Variants in MEIG1 observed in about 807,000 individuals in gnomAD.
The protein encoded by MEIG1 is meiosis expressed gene 1 protein homolog.
MEIG1 carries 12 observed loss-of-function variants against 11.3 expected under a neutral mutation model. The observed-to-expected ratio is 1.07, with a 90% CI of 0.68 to 1.73. The LOEUF (loss-of-function observed/expected upper bound fraction) is 1.73. Among genes scored for constraint, MEIG1 ranks in the 40% most tolerant of loss-of-function variants. The pLI is 0.00. For missense variants in MEIG1, 119 were observed against 104.9 expected, an observed-to-expected ratio of 1.13 and a Z score of -0.59; for synonymous variants, 41 against 33.2, an observed-to-expected ratio of 1.24 and a Z score of -0.81.
intron 1 of MEIG1, among the ~76,000 whole-genome samples, chr10:14,959,845 T>C (rs1436437430): frequency 1.3e-5 from 2 of 152,246 alleles, no homozygotes; most frequent in Non-Finnish European, 2.9e-5. Flanking sequence ...GGCTCCGATT[T>C]GGGCCCTAGA....
intron 1 of MEIG1, among the ~76,000 whole-genome samples, chr10:14,982,921 T>A (rs1218250890): frequency 1.3e-5 from 2 of 152,092 alleles, no homozygotes; most frequent in Non-Finnish European, 2.9e-5. Context: ...TAGAAAACAG[T>A]CATATTAGCT....
upstream of MEIG1, among the ~76,000 whole-genome samples, chr10:14,956,653 G>T (rs536954856): frequency 2.0e-5 from 3 of 152,316 alleles, no homozygotes; most frequent in East Asian, 5.8e-4. Context: ...GGAAGCTGCT[G>T]CAATACTGCA....
downstream of MEIG1, among the ~76,000 whole-genome samples, chr10:14,976,461 C>A (rs1299939872): frequency 2.0e-5 from 3 of 152,056 alleles, no homozygotes; most frequent in Non-Finnish European, 4.4e-5. Flanking sequence ...GGGCTATGTT[C>A]GCTTTGATAT....
chr10:14,955,588 C>T (rs1209286044), upstream of MEIG1, among the ~76,000 whole-genome samples: 1 of 152,192 alleles, frequency 6.6e-6, no homozygotes. Context: ...TCTCCAGCTA[C>T]TCGGGAGGCC....
At chr10:14,957,263 G>A (rs1842961073), upstream of MEIG1, among the ~76,000 whole-genome samples, 1 of 152,164 alleles carries the variant, frequency 6.6e-6, no homozygotes, top group Admixed American at 6.5e-5. Flanking sequence ...TAAGTAGCTT[G>A]TCCAGGGTCA....
upstream of MEIG1, among the ~76,000 whole-genome samples, chr10:14,954,733 TAAAAAA>T (rs551868615): frequency 3.3e-5 from 5 of 151,904 alleles, no homozygotes; most frequent in African/African-American, 7.3e-5. Flanking sequence ...ATGATGTACT[TAAAAAA>T]AGAAAAATGG....
chr10:14,972,465 AAATC>A, intron 2 of MEIG1, 44 bp from the exon 3 acceptor site: 1 of 1,611,738 alleles, frequency 6.2e-7, no homozygotes, highest in Non-Finnish European at 8.5e-7. Context: ...TATGAGATAA[AAATC>A]AACCCTCCAT....
chr10:14,985,216 T>C (rs902218596), intron 1 of MEIG1, among the ~76,000 whole-genome samples: 1 of 152,044 alleles, frequency 6.6e-6, no homozygotes, highest in Non-Finnish European at 1.5e-5. Context: ...TCCTGGGATG[T>C]TATTCGTAAT....
At chr10:14,964,837 A>G (rs1843061264) in intron 1 of MEIG1, among the ~76,000 whole-genome samples, 2 of 151,096 alleles carry the variant, frequency 1.3e-5, no homozygotes, top group African/African-American at 4.9e-5. Flanking sequence ...GCCCAGGCTA[A>G]AGTGCAATGG....
intron 1 of MEIG1, among the ~76,000 whole-genome samples, chr10:14,984,587 A>G (rs984266338): frequency 2.6e-5 from 4 of 151,894 alleles, no homozygotes; most frequent in Admixed American, 1.3e-4. Flanking sequence ...GATATTATTC[A>G]TAATATCCTA....
chr10:14,981,149 G>T (rs1490091794), intron 1 of MEIG1, among the ~76,000 whole-genome samples: 2 of 151,548 alleles, frequency 1.3e-5, no homozygotes, highest in African/African-American at 4.9e-5. Flanking sequence ...TAAGCGGCTG[G>T]GCCCCAGTCT....
chr10:14,983,025 A>C (rs1843280953), intron 1 of MEIG1, among the ~76,000 whole-genome samples: 1 of 152,122 alleles, frequency 6.6e-6, no homozygotes, highest in Admixed American at 6.6e-5. Flanking sequence ...ATTCCTGTTA[A>C]TAATAAATGA....
At chr10:14,961,494 G>A (rs142586915) in intron 1 of MEIG1, among the ~76,000 whole-genome samples, 57 of 152,060 alleles carry the variant, frequency 3.7e-4, no homozygotes, top group African/African-American at 1.4e-3. Flanking sequence ...TTTTTGAGAT[G>A]GTGTCTTGCT....
downstream of MEIG1, among the ~76,000 whole-genome samples, chr10:14,975,195 T>C (rs1843197703): frequency 6.6e-6 from 1 of 152,072 alleles, no homozygotes; most frequent in Non-Finnish European, 1.5e-5. Context: ...ATGTACACCC[T>C]TTCTGTGACA....
At chr10:14,966,055 T>G (rs955366623) in intron 1 of MEIG1, among the ~76,000 whole-genome samples, 1 of 124,006 alleles carries the variant, frequency 8.1e-6, no homozygotes, top group Admixed American at 9.6e-5. Flanking sequence ...TAAGTGTTAG[T>G]TTTATTTATT....
intron 1 of MEIG1, among the ~76,000 whole-genome samples, chr10:14,981,102 T>G (rs1843258249): frequency 6.6e-6 from 1 of 152,090 alleles, no homozygotes; most frequent in African/African-American, 2.4e-5. Context: ...CTGGATACCT[T>G]GAAGAGCTTC....
chr10:14,955,591 G>C (rs900526590), upstream of MEIG1, among the ~76,000 whole-genome samples: 1 of 152,132 alleles, frequency 6.6e-6, no homozygotes, highest in Non-Finnish European at 1.5e-5. Flanking sequence ...CCAGCTACTC[G>C]GGAGGCCGAG....
chr10:14,958,941 T>C (rs1842978915), upstream of MEIG1, among the ~76,000 whole-genome samples: 1 of 152,146 alleles, frequency 6.6e-6, no homozygotes, highest in African/African-American at 2.4e-5. Context: ...ATCTTGAATC[T>C]GATCACTTTT....
rs1381105380 is a variant in MEIG1, at chr10:14,966,620, C to G, written c.138+14C>G. 1.3e-6 allele frequency: 2 copies of G among 1,599,048 alleles called. No homozygotes were observed. The highest frequency in any genetic ancestry group is 1.7e-6 in the Non-Finnish European group (2 of 1,174,824). ...CAAGTTTCTATGGTAAGATTTCTGTCTCTACAAACCTCAACTCGAAATGTA... is the reference window on the plus strand; with the variant it reads ...CAAGTTTCTATGGTAAGATTTCTGTGTCTACAAACCTCAACTCGAAATGTA... On this transcript the variant is annotated intron_variant, in intron 2 of 2. Transcript: ENST00000407572.
Sources: gnomAD v4.1 joint callset for allele counts (sites outside exome capture counted in the v4.1 genomes callset) on GRCh38, gnomAD v4.1.1 for gene constraint, MANE v1.5 for transcripts, NCBI Gene and HGNC (gene_info 2026-07-23, HGNC 2026-07-21) for gene names.